Variants in DICER1 observed in about 807,000 individuals in gnomAD.
DICER1 encodes the protein dicer 1, ribonuclease III, also known as endoribonuclease Dicer.
Under a neutral mutation model 194.1 loss-of-function variants are expected in DICER1, and 43 were observed. That is an observed-to-expected ratio of 0.22 (90% CI 0.17 to 0.29). The LOEUF (loss-of-function observed/expected upper bound fraction) is 0.29. Among genes scored for constraint, DICER1 ranks in the 10% least tolerant of loss-of-function variants. The probability of loss-of-function intolerance (pLI) is 1.00; values close to 1 mark genes in which losing one functional copy is unlikely to be tolerated. For missense variants in DICER1, 1,608 were observed against 2,317.0 expected (o/e 0.69, Z 6.28); for synonymous variants, 832 against 820.5 (o/e 1.01, Z -0.24).
rs1322527798 is a variant in DICER1 at position 95,124,842 on chromosome 14, C to T, written c.904-174G>A. Among the ~76,000 whole-genome samples the T allele has an allele frequency of 6.6e-6, 1 of 152,044 alleles. No homozygotes were observed. The highest frequency in any genetic ancestry group is 2.4e-5 in the African/African-American group (1 of 41,388). On this transcript the variant is annotated intron_variant, in intron 7 of 26. Transcript: ENST00000343455. The surrounding 1 kb of genome is among the most constrained non-coding windows in gnomAD (Gnocchi z 4.5). ...GCCATTAGCCTTTTCAAGCTCATTT[C>T]GTATGTATATGCCTAGAACCATCTC...
chr14:95,090,227 T>G lies in DICER1; in HGVS notation c.*271A>C, dbSNP rs1245080765. ...TTTGAGCACTTGCTAAATGTCATCA[T>G]TAAAGCACTCTTGTGATTTAAACAA... On this transcript the variant is annotated 3_prime_UTR_variant, in exon 27 of 27. Coordinates refer to ENST00000343455, the MANE Select transcript of DICER1 (RefSeq NM_177438.3). 1 of 500,074 alleles carries G rather than the reference T, an allele frequency of 2.0e-6. No individual in the cohort carries two copies. The highest frequency in any genetic ancestry group is 3.6e-6 in the Non-Finnish European group (1 of 278,382). 31.0% of individuals were successfully genotyped at this position (500,074 alleles called of 1,614,324 possible). A position where few individuals can be genotyped will look rare whatever the true frequency, so the allele number is the denominator to read the frequency against.
rs369842891 is a variant in DICER1 at position 95,124,161 on chromosome 14, G to A, written c.1376+35C>T. 32 of 1,516,226 alleles carry A rather than the reference G, an allele frequency of 2.1e-5. No homozygotes were observed. The highest frequency in any genetic ancestry group is 2.7e-5 in the Non-Finnish European group (30 of 1,094,318). The allele number at this position is 1,516,226 out of a possible 1,614,324, so 93.9% of individuals were successfully genotyped here. On this transcript the variant is annotated intron_variant, in intron 8 of 26. Transcript: ENST00000343455. This position sits in a 1 kb window ranked among gnomAD's most constrained non-coding sequence, Gnocchi z 4.5. ...ACATCACAACACAGGACGCCTCCCTGTTCTCATGTGAAAGGAGTCAACTTA... is the reference window on the plus strand; with the variant it reads ...ACATCACAACACAGGACGCCTCCCTATTCTCATGTGAAAGGAGTCAACTTA...
intron 4 of DICER1, among the ~76,000 whole-genome samples, chr14:95,130,433 A>C (rs145101021): frequency 6.6e-6 from 1 of 152,388 alleles, no homozygotes; most frequent in African/African-American, 2.4e-5. Context: ...TCTTGACGAC[A>C]AATCTAAATT....
intron 2 of DICER1, 60 bp downstream of exon 2, chr14:95,133,255 A>G: frequency 6.4e-7 from 1 of 1,573,008 alleles, no homozygotes; most frequent in Admixed American, 1.7e-5. Flanking sequence ...TGTGTCAACT[A>G]TATGCTAATG....
chr14:95,113,388 T>C (rs531361536), intron 11 of DICER1, among the ~76,000 whole-genome samples, 164 bp from the exon 12 acceptor site: 1 of 152,268 alleles, frequency 6.6e-6, no homozygotes, highest in Non-Finnish European at 1.5e-5. Context: ...GACAGAATAG[T>C]GTTGTCTAAC....
intron 7 of DICER1, among the ~76,000 whole-genome samples, chr14:95,125,506 G>GAGAGAGGC (rs1382302519): frequency 7.6e-6 from 1 of 130,736 alleles, no homozygotes; most frequent in Admixed American, 8.0e-5. Context: ...GAGGGAGAGG[G>GAGAGAGGC]AGAGAGGCAG....
chr14:95,147,888 T>C (rs556967783), intron 1 of DICER1, among the ~76,000 whole-genome samples: 1 of 152,302 alleles, frequency 6.6e-6, no homozygotes, highest in African/African-American at 2.4e-5. Flanking sequence ...CTTACTTATG[T>C]TTACCAGTTT....
At position 95,091,234 on chromosome 14, in the gene DICER1, C is replaced by G. The variant is rs1344743618; in HGVS notation, c.5496G>C (p.Gln1832His). The G allele has an allele frequency of 6.2e-7, 1 of 1,614,168 alleles. No individual in the cohort carries two copies. Among genetic ancestry groups the G allele is most frequent in the East Asian group, 2.2e-5 (1 of 44,888 alleles). Residue 1832 changes from glutamine (Q) to histidine (H), a missense_variant, in exon 25 of 27, where the codon CAG (glutamine) becomes CAC (histidine). Physicochemically the swap from Gln to His is conservative, Grantham distance 24 (BLOSUM62 0). Around this residue, in one of 10 missense-constraint regions of DICER1, gnomAD observed 138 missense variants for 298.3 expected, o/e 0.46. Coordinates refer to ENST00000343455, the MANE Select transcript of DICER1 (RefSeq NM_177438.3). ...GTGGCCGCATCATGGGATAGTACACCTGCCAGACTGTCTCCAGTGACATCC... is the reference window on the plus strand; with the variant it reads ...GTGGCCGCATCATGGGATAGTACACGTGCCAGACTGTCTCCAGTGACATCC... ...DSGMSLETVW[Q>H]VYYPMMRPLI... is the part of the protein sequence containing the mutation.
chr14:95,112,966 G>C, intron 12 of DICER1, 126 bp downstream of exon 12: 2 of 1,003,042 alleles, frequency 2.0e-6, no homozygotes, highest in Middle Eastern at 2.4e-4. Flanking sequence ...TCAACACAAG[G>C]CTCCTGCTCA....
rs189652377 is a variant in DICER1 at position 95,156,173 on chromosome 14, G to A, written c.-46+1057C>T. 2.0e-3 allele frequency among the ~76,000 whole-genome samples: 299 copies of A among 152,208 alleles called. 1 individual carries two copies. Among genetic ancestry groups the A allele is most frequent in the Non-Finnish European group, 3.9e-3 (263 of 68,016 alleles). ...CATTTTTAACAATATTTTCCGAGTT[G>A]CTTAAATCCTAACCTGAGTCCTTTT... On this transcript the variant is annotated intron_variant, in intron 1 of 26. Transcript: ENST00000343455.
Position 95,147,133 on chromosome 14 carries a change from G to A in DICER1, c.-46+10097C>T, listed in dbSNP as rs189719763. Reference sequence around the variant, plus strand: ...TCAAACTGTGGATGATTTGTGTGACGATAAGCTAGAGACATACAATTCTGT... The same window carrying A: ...TCAAACTGTGGATGATTTGTGTGACAATAAGCTAGAGACATACAATTCTGT... On this transcript the variant is annotated intron_variant, in intron 1 of 26. Transcript: ENST00000343455. 1.5e-3 allele frequency among the ~76,000 whole-genome samples: 223 copies of A among 152,292 alleles called. 2 individuals carry two copies. Among genetic ancestry groups the A allele is most frequent in the African/African-American group, 5.0e-3 (207 of 41,546 alleles).
rs1353705608 is a variant in DICER1 at position 95,124,707 on chromosome 14, A to G, written c.904-39T>C. The G allele has an allele frequency of 1.3e-6, 2 of 1,487,038 alleles. No individual in the cohort carries two copies. Among genetic ancestry groups the G allele is most frequent in the Middle Eastern group, 1.7e-4 (1 of 5,736 alleles). 92.1% of individuals were successfully genotyped at this position (1,487,038 alleles called of 1,614,324 possible). ...AAAAGAAAAAACCTAATGCCAAATA[A>G]TAATAATGTAGCATTTTCATGTGGG... On this transcript the variant is annotated intron_variant, in intron 7 of 26. Transcript: ENST00000343455. This position sits in a 1 kb window ranked among gnomAD's most constrained non-coding sequence, Gnocchi z 4.5.
intron 10 of DICER1, among the ~76,000 whole-genome samples, 161 bp from the exon 11 acceptor site, chr14:95,115,982 T>A (rs1205170506): frequency 6.6e-6 from 1 of 152,010 alleles, no homozygotes; most frequent in African/African-American, 2.4e-5. Context: ...CTTCTTCCAA[T>A]GAATCCCTCC....
rs1892601898 is a variant in DICER1 at position 95,117,693 on chromosome 14, T to C, written c.1438A>G (p.Thr480Ala). Residue 480 changes from threonine to alanine, a missense_variant, in exon 9 of 27, where the codon ACT becomes GCT. Around this residue, in one of 10 missense-constraint regions of DICER1, gnomAD observed 657 missense variants for 910.1 expected, o/e 0.72. Transcript: ENST00000343455. ...TGATTCTTCCCAATGCCATGTCCAG[T>C]TATGAAATTGCTACTGATATAAGCC... ...ELAYISSNFITGHGIGKNQPR... is the reference protein window; with the variant it reads ...ELAYISSNFIAGHGIGKNQPR... 1.2e-6 allele frequency: 2 copies of C among 1,614,048 alleles called. No homozygotes were observed. Among genetic ancestry groups the C allele is most frequent in the South Asian group, 2.2e-5 (2 of 91,082 alleles).
chr14:95,103,310 T>C lies in DICER1; in HGVS notation c.4050+36A>G, dbSNP rs374942346. 37 of 1,602,850 alleles carry C rather than the reference T, an allele frequency of 2.3e-5. No homozygotes were observed. The highest frequency in any genetic ancestry group is 3.1e-5 in the Non-Finnish European group (36 of 1,170,326). The stretch of plus-strand genomic sequence containing the variant: ...GCAAACCACTTTCAGGCACACTGAA[T>C]AATTAACTGCTCAAAATAAAAAAAT... On this transcript the variant is annotated intron_variant, in intron 21 of 26. Coordinates refer to ENST00000343455, the MANE Select transcript of DICER1 (RefSeq NM_177438.3).
In DICER1 at chr14:95,089,995, C is replaced by A; in HGVS notation, c.*503G>T. The stretch of plus-strand genomic sequence containing the variant: ...CACAGTATAACGTGGAAAGAAAAGA[C>A]AACATTGGCGCACTTCTCCTCTCGA... On this transcript the variant is annotated 3_prime_UTR_variant, in exon 27 of 27. Transcript: ENST00000343455. The A allele has an allele frequency of 3.6e-6, 1 of 275,696 alleles. No homozygotes were observed. The highest frequency in any genetic ancestry group is 6.9e-6 in the Non-Finnish European group (1 of 144,122). 17.1% of individuals were successfully genotyped at this position (275,696 alleles called of 1,614,324 possible).
chr14:95,133,299 G>A lies in DICER1; in HGVS notation c.144+16C>T. ...TTTAGTGTAGAATGCTCCAGTATTAGTGTTCGCATTAGTACCTGATATTTT... is the reference window on the plus strand; with the variant it reads ...TTTAGTGTAGAATGCTCCAGTATTAATGTTCGCATTAGTACCTGATATTTT... On this transcript the variant is annotated intron_variant, in intron 2 of 26. Coordinates refer to ENST00000343455, the MANE Select transcript of DICER1 (RefSeq NM_177438.3). 17 of 1,613,104 alleles carry A rather than the reference G, an allele frequency of 1.1e-5. No homozygotes were observed. The highest frequency in any genetic ancestry group is 1.4e-5 in the Non-Finnish European group (16 of 1,179,248).
At chr14:95,129,842 T>C (rs1013195097) in intron 5 of DICER1, among the ~76,000 whole-genome samples, 7 of 152,200 alleles carry the variant, frequency 4.6e-5, no homozygotes, top group African/African-American at 1.7e-4. Flanking sequence ...AAAGGCTCAA[T>C]TAGATACACT....
intron 1 of DICER1, among the ~76,000 whole-genome samples, chr14:95,134,925 T>C (rs1894243978): frequency 6.6e-6 from 1 of 152,198 alleles, no homozygotes; most frequent in South Asian, 2.1e-4. Flanking sequence ...GCTAATTCTC[T>C]CTGAATCAAA....
Sources: allele counts gnomAD v4.1 joint callset (sites outside exome capture counted in the v4.1 genomes callset), GRCh38; gene constraint gnomAD v4.1.1; regional missense constraint gnomAD v4.1.1; non-coding constraint Gnocchi (gnomAD v3.1); transcripts MANE v1.5; gene names NCBI Gene and HGNC (gene_info 2026-07-23, HGNC 2026-07-21).